The following CACNA2D3 variants were observed in gnomAD, a reference collection of about 807,000 sequenced individuals.
The protein encoded by CACNA2D3 is voltage-dependent calcium channel subunit alpha-2/delta-3.
Under a neutral mutation model 160.6 loss-of-function variants are expected in CACNA2D3, and 60 were observed. The observed-to-expected ratio is 0.37, with a 90% CI of 0.30 to 0.46. The LOEUF is 0.46. Among genes scored for constraint, CACNA2D3 ranks in the 20% least tolerant of loss-of-function variants. The pLI is 1.00. For synonymous variants in CACNA2D3, 558 were observed against 492.9 expected (o/e 1.13, Z -1.75); for missense variants, 1,205 against 1,365.0 (o/e 0.88, Z 1.85).
intron 4 of CACNA2D3, among the ~76,000 whole-genome samples, chr3:54,468,487 A>C (rs555160736): frequency 1.3e-5 from 2 of 152,188 alleles, no homozygotes; most frequent in African/African-American, 2.4e-5. Context: ...CTGGGTTTCA[A>C]GCACAAAATG....
intron 29 of CACNA2D3, among the ~76,000 whole-genome samples, chr3:54,980,259 T>G (rs1188289471): frequency 6.6e-6 from 1 of 152,218 alleles, no homozygotes; most frequent in East Asian, 1.9e-4. Flanking sequence ...TTTACATTTT[T>G]TTGTGAAAGA....
At chr3:54,131,756 A>ATT (rs201127084) in intron 2 of CACNA2D3, among the ~76,000 whole-genome samples, 43 of 148,300 alleles carry the variant, frequency 2.9e-4, no homozygotes, top group African/African-American at 9.1e-4. Flanking sequence ...AGGGAGGTGG[A>ATT]TTTTTTTTTT....
At chr3:54,760,224 G>A (rs1702056445) in intron 12 of CACNA2D3, among the ~76,000 whole-genome samples, 1 of 71,866 alleles carries the variant, frequency 1.4e-5, no homozygotes, top group Non-Finnish European at 2.7e-5. Flanking sequence ...AGACAGGAAT[G>A]TCAGGGAGGG....
chr3:54,411,627 G>A (rs758036955), intron 4 of CACNA2D3, among the ~76,000 whole-genome samples: 2 of 152,094 alleles, frequency 1.3e-5, no homozygotes, highest in African/African-American at 4.8e-5. Context: ...TAGTATAAAC[G>A]TAACTTTTAT....
rs55787319 is a variant in CACNA2D3 at position 54,328,895 on chromosome 3, T to C, written c.321+8337T>C. Among the ~76,000 whole-genome samples the C allele has an allele frequency of 4.6e-5, 7 of 152,308 alleles. No individual in the cohort carries two copies. The East Asian group carries it at 1.2e-3, about 25-fold the overall frequency. ...TCCTGACTTTGGGGTGCCAGCTGTT[T>C]GGAGGAATCAGCTGGGAGCATCGGC... is the stretch of plus-strand genomic sequence containing the variant. On this transcript the variant is annotated intron_variant, in intron 3 of 37. Coordinates refer to ENST00000474759, the MANE Select transcript of CACNA2D3 (RefSeq NM_018398.3).
At chr3:54,585,610 T>C (rs1176051603) in intron 9 of CACNA2D3, among the ~76,000 whole-genome samples, 1 of 151,010 alleles carries the variant, frequency 6.6e-6, no homozygotes, top group Non-Finnish European at 1.5e-5. Context: ...CTCACAATCA[T>C]GGCAGAAGGC....
At chr3:54,837,843 G>A (rs1698728980) in intron 15 of CACNA2D3, among the ~76,000 whole-genome samples, 1 of 152,084 alleles carries the variant, frequency 6.6e-6, no homozygotes, top group Admixed American at 6.6e-5. Context: ...GGGATTTAGA[G>A]CCCACGCTAA....
At chr3:54,285,202 G>A (rs555916186) in intron 2 of CACNA2D3, among the ~76,000 whole-genome samples, 16 of 152,318 alleles carry the variant, frequency 1.1e-4, no homozygotes, top group African/African-American at 3.8e-4. Flanking sequence ...GTGACAGACG[G>A]CACCTGGAAA....
chr3:54,475,809 TTG>T lies in CACNA2D3; in HGVS notation c.382-27656_382-27655del, dbSNP rs3030044. Among the ~76,000 whole-genome samples, 11 of 142,822 alleles carry T rather than the reference TTG, an allele frequency of 7.7e-5. No homozygotes were observed. The East Asian group carries it at 8.3e-4, about 11-fold the overall frequency. 93.7% of individuals were successfully genotyped at this position (142,822 alleles called of 152,430 possible). ...ATCCATCTTCTCACATGGTTACCAT[TTG>T]TGTGTGTGTGTGTGTGTGTGTGTGT... On this transcript the variant is annotated intron_variant, in intron 4 of 37. Transcript: ENST00000474759.
chr3:54,365,743 A>C (rs1348495822), intron 3 of CACNA2D3, among the ~76,000 whole-genome samples: 1 of 152,154 alleles, frequency 6.6e-6, no homozygotes, highest in African/African-American at 2.4e-5. Flanking sequence ...CATGCCTGTA[A>C]TCCCAGCTAC....
intron 2 of CACNA2D3, among the ~76,000 whole-genome samples, chr3:54,124,016 A>G (rs1699535523): frequency 6.6e-6 from 1 of 152,224 alleles, no homozygotes; most frequent in Non-Finnish European, 1.5e-5. Context: ...TATCAGAGAA[A>G]GACGCTGCAC....
chr3:54,300,653 G>T (rs922009534), intron 2 of CACNA2D3, among the ~76,000 whole-genome samples: 1 of 152,160 alleles, frequency 6.6e-6, no homozygotes, highest in Admixed American at 6.5e-5. Context: ...GTATAAGTAT[G>T]ACCAATAATG....
intron 34 of CACNA2D3, 34 bp from the exon 35 acceptor site, chr3:55,018,172 T>C: frequency 7.1e-7 from 1 of 1,408,882 alleles, no homozygotes; most frequent in Non-Finnish European, 1.0e-6. Context: ...GTGCCTTGCA[T>C]TCTTTACCTT....
rs569934001 is a variant in CACNA2D3 at position 54,203,764 on chromosome 3, C to T, written c.204+80170C>T. 5.3e-5 allele frequency among the ~76,000 whole-genome samples: 8 copies of T among 152,144 alleles called. No homozygotes were observed. In the South Asian group the frequency reaches 1.7e-3, roughly 32 times the overall value. On this transcript the variant is annotated intron_variant, in intron 2 of 37. Transcript: ENST00000474759. ...GTGCTGTTCTGCCGACGTGCTTCCT[C>T]GATGTCCTCTCGCTGTCCGGCCGCT...
intron 2 of CACNA2D3, among the ~76,000 whole-genome samples, chr3:54,277,782 T>A (rs1019365256): frequency 1.3e-5 from 2 of 152,358 alleles, no homozygotes; most frequent in African/African-American, 4.8e-5. Context: ...TTTCCATTTG[T>A]TTGTGTCCCT....
intron 4 of CACNA2D3, among the ~76,000 whole-genome samples, chr3:54,450,108 G>A (rs1700282265): frequency 6.6e-6 from 1 of 152,142 alleles, no homozygotes; most frequent in Non-Finnish European, 1.5e-5. Context: ...CCACTGATTG[G>A]CTCTGGGGAA....
At chr3:54,403,212 G>A (rs568844192) in intron 4 of CACNA2D3, among the ~76,000 whole-genome samples, 42 of 152,022 alleles carry the variant, frequency 2.8e-4, no homozygotes, top group African/African-American at 6.5e-4. Flanking sequence ...AAAAGTAGCC[G>A]GTCTTGGTGG....
intron 11 of CACNA2D3, among the ~76,000 whole-genome samples, chr3:54,724,991 A>AT (rs1485978165): frequency 1.3e-5 from 2 of 152,190 alleles, no homozygotes; most frequent in African/African-American, 4.8e-5. Flanking sequence ...GGTTTTTAGA[A>AT]AAGATCAAGA....
chr3:54,997,219 C>T (rs1228760349), intron 31 of CACNA2D3, among the ~76,000 whole-genome samples: 9 of 152,124 alleles, frequency 5.9e-5, no homozygotes, highest in African/African-American at 2.2e-4. Context: ...CTGCAAGCTA[C>T]TTACAGTTAA....
Sources: gnomAD v4.1 joint callset for allele counts (sites outside exome capture counted in the v4.1 genomes callset) on GRCh38, gnomAD v4.1.1 for gene constraint, MANE v1.5 for transcripts, NCBI Gene and HGNC (gene_info 2026-07-23, HGNC 2026-07-21) for gene names.